Variants in PCM1 observed in about 807,000 individuals in gnomAD.
PCM1 encodes pericentriolar material 1.
PCM1 carries 157 observed loss-of-function variants against 241.9 expected under a neutral mutation model. The observed-to-expected ratio is 0.65, with a 90% CI of 0.57 to 0.74. PCM1 has a LOEUF of 0.74. PCM1 is among the 30% of genes least tolerant of loss of function. PCM1 has a pLI of 0.00. For synonymous variants in PCM1, 1,085 were observed against 784.9 expected, an observed-to-expected ratio of 1.38 and a Z score of -6.39; for missense variants, 3,478 against 2,360.1, an observed-to-expected ratio of 1.47 and a Z score of -9.81.
rs577255810 is a variant in PCM1 at position 17,991,538 on chromosome 8, G to A, written c.4532-4G>A. 3.2e-6 allele frequency: 5 copies of A among 1,584,260 alleles called. No individual in the cohort carries two copies. In the Admixed American group the frequency reaches 5.4e-5, roughly 17 times the overall value. ...CTCAAAAAATATTTTTGTTCCAAAT[G>A]TAGGTAACACCGTGATTCACTTAGA... On this transcript the variant is annotated splice_region_variant and splice_polypyrimidine_tract_variant and intron_variant, in intron 27 of 38. Transcript: ENST00000325083.
intron 5 of PCM1, 92 bp downstream of exon 5, chr8:17,939,101 T>G (rs571872344): frequency 7.9e-7 from 1 of 1,259,920 alleles, no homozygotes; most frequent in African/African-American, 1.5e-5. Flanking sequence ...ACACAGGAAT[T>G]TTAGTTGGGT....
rs577852441 is a variant in PCM1, at chr8:17,930,699, A to G, written c.-22-4890A>G. On this transcript the variant is annotated intron_variant, in intron 2 of 38. Transcript: ENST00000325083. ...GGAGACCATCCTGGCTAACATGGTG[A>G]AACCCTGTCTCTACTAAAGATACAA... is the stretch of plus-strand genomic sequence containing the variant. 1.1e-4 allele frequency among the ~76,000 whole-genome samples: 16 copies of G among 151,988 alleles called. No individual in the cohort carries two copies. The South Asian group carries it at 3.3e-3, about 32-fold the overall frequency.
chr8:18,026,996 G>C (rs185416065), intron 38 of PCM1, among the ~76,000 whole-genome samples: 1 of 152,284 alleles, frequency 6.6e-6, no homozygotes, highest in East Asian at 1.9e-4. Flanking sequence ...TTTTCTGTAT[G>C]AGTCTAATAA....
At chr8:17,930,607 G>T (rs1412686102) in intron 2 of PCM1, among the ~76,000 whole-genome samples, 54 of 151,692 alleles carry the variant, frequency 3.6e-4, no homozygotes, top group Admixed American at 3.5e-3. Flanking sequence ...GGCCGGGTGC[G>T]GTGGCTCACG....
At chr8:17,964,916 C>T in intron 18 of PCM1, 148 bp downstream of exon 18, 1 of 622,466 alleles carries the variant, frequency 1.6e-6, no homozygotes, top group Non-Finnish European at 2.8e-6. Context: ...TTAGTGCAGA[C>T]CCCTCAAGTT....
At chr8:17,932,731 G>A (rs958742156) in intron 2 of PCM1, among the ~76,000 whole-genome samples, 1 of 151,372 alleles carries the variant, frequency 6.6e-6, no homozygotes, top group Non-Finnish European at 1.5e-5. Flanking sequence ...ATTTCTTTGT[G>A]TTCTAAATTT....
intron 36 of PCM1, among the ~76,000 whole-genome samples, chr8:18,018,875 T>TAC (rs1473453041): frequency 0.014 from 699 of 48,440 alleles, 8 homozygotes; most frequent in East Asian, 0.036. Flanking sequence ...TATATATATA[T>TAC]ATATACACAC....
chr8:17,953,729 T>C (rs1037717035), intron 9 of PCM1, among the ~76,000 whole-genome samples: 2 of 152,230 alleles, frequency 1.3e-5, no homozygotes, highest in African/African-American at 4.8e-5. Flanking sequence ...GCGGGAGTTA[T>C]CTTTTTTGCT....
intron 3 of PCM1, 145 bp downstream of exon 3, chr8:17,935,851 A>C: frequency 2.1e-6 from 1 of 476,276 alleles, no homozygotes; most frequent in South Asian, 4.9e-5. Flanking sequence ...TTATTATATT[A>C]ATTGAAGACA....
intron 24 of PCM1, among the ~76,000 whole-genome samples, 173 bp downstream of exon 24, chr8:17,980,928 A>G (rs111430055): frequency 0.025 from 3,774 of 152,344 alleles, 83 homozygotes; most frequent in Non-Finnish European, 0.036. Context: ...AACTGAAAAT[A>G]TTTTGTGTTA....
chr8:17,937,217 A>G lies in PCM1; in HGVS notation c.180A>G (p.Val60=), dbSNP rs751653393. ...KKFGVESDKR[V]TNDISPESSP... is the part of the protein sequence containing the mutation. ...TTGGTGTAGAAAGTGATAAAAGAGT[A>G]ACCAATGATATTTCTCCGGAGTCGT... The change falls in exon 4 of 39, where the codon GTA becomes GTG. Residue 60 remains valine, a synonymous_variant. Coordinates refer to ENST00000325083, the MANE Select transcript of PCM1 (RefSeq NM_006197.4). The G allele has an allele frequency of 5.1e-5, 82 of 1,606,420 alleles. No homozygotes were observed. Among genetic ancestry groups the G allele is most frequent in the Admixed American group, 1.2e-4 (7 of 59,196 alleles).
At chr8:18,014,421 C>T (rs2092918881) in intron 35 of PCM1, among the ~76,000 whole-genome samples, 163 bp from the exon 36 acceptor site, 1 of 152,106 alleles carries the variant, frequency 6.6e-6, no homozygotes. Flanking sequence ...TTTTGATCAA[C>T]TAAATTTGGG....
intron 18 of PCM1, among the ~76,000 whole-genome samples, chr8:17,965,783 A>G (rs2074643821): frequency 6.6e-6 from 1 of 152,212 alleles, no homozygotes; most frequent in South Asian, 2.1e-4. Flanking sequence ...GCTGTGTAAA[A>G]ACATACATGA....
intron 22 of PCM1, among the ~76,000 whole-genome samples, 151 bp downstream of exon 22, chr8:17,969,899 T>C (rs568218770): frequency 1.3e-5 from 2 of 152,302 alleles, no homozygotes; most frequent in South Asian, 4.1e-4. Flanking sequence ...TATCAGTAGA[T>C]GAGATGCCAG....
intron 4 of PCM1, 151 bp from the exon 5 acceptor site, chr8:17,938,589 A>G: frequency 1.7e-6 from 1 of 605,380 alleles, no homozygotes; most frequent in South Asian, 2.1e-5. Context: ...AGACTGTTAC[A>G]GAGCCAAAGC....
At chr8:17,961,983 TA>T in intron 15 of PCM1, 50 bp from the exon 16 acceptor site, 1 of 1,529,724 alleles carries the variant, frequency 6.5e-7, no homozygotes, top group Non-Finnish European at 8.9e-7. Flanking sequence ...TTTATGAAAT[TA>T]ATATAATTGC....
rs1367756132 is a variant in PCM1 at position 17,962,134 on chromosome 8, C to G, written c.2423C>G (p.Ser808Cys). The change falls in exon 16 of 39, where the codon TCT becomes TGT. Residue 808 changes from serine (S) to cysteine (C), a missense_variant. Coordinates refer to ENST00000325083, the MANE Select transcript of PCM1 (RefSeq NM_006197.4). ...CAACACGAGACCAGTACAAGCAAAT[C>G]TGTTTTTGAGCCTGAAGATTCTTCA... The part of the protein sequence containing the change: ...VNQHETSTSK[S>C]VFEPEDSSIV... 6.2e-7 allele frequency: 1 copy of G among 1,609,490 alleles called. No individual in the cohort carries two copies. The highest frequency in any genetic ancestry group is 8.5e-7 in the Non-Finnish European group (1 of 1,177,280).
At chr8:17,957,512 T>C (rs2069146821) in intron 12 of PCM1, 28 bp from the exon 13 acceptor site, 1 of 1,602,814 alleles carries the variant, frequency 6.2e-7, no homozygotes, top group Non-Finnish European at 8.5e-7. Flanking sequence ...TAAAAGTTAC[T>C]GGTTTTAATT....
chr8:18,014,258 GAC>G (rs2129486209), intron 35 of PCM1, among the ~76,000 whole-genome samples: 1 of 152,112 alleles, frequency 6.6e-6, no homozygotes, highest in South Asian at 2.1e-4. Flanking sequence ...TACCTGCACA[GAC>G]AAAAATTCTG....
Sources: gnomAD v4.1 joint callset for allele counts (sites outside exome capture counted in the v4.1 genomes callset) on GRCh38, gnomAD v4.1.1 for gene constraint, MANE v1.5 for transcripts, NCBI Gene and HGNC (gene_info 2026-07-23, HGNC 2026-07-21) for gene names.